PABPC1: variants seen among roughly 807,000 people sequenced by gnomAD.
PABPC1 encodes polyadenylate-binding protein 1.
Under a neutral mutation model 74.0 loss-of-function variants are expected in PABPC1, and 4 were observed. That is an observed-to-expected ratio of 0.05 (90% CI 0.03 to 0.12). The LOEUF (loss-of-function observed/expected upper bound fraction) is 0.12, where lower values mean the gene tolerates loss of function less well. Among genes scored for constraint, PABPC1 ranks in the 10% least tolerant of loss-of-function variants. PABPC1 has a pLI of 1.00. For missense variants in PABPC1, 271 were observed against 821.1 expected (o/e 0.33, Z 8.19); for synonymous variants, 227 against 264.1 (o/e 0.86, Z 1.36).
Position 100,704,294 on chromosome 8 carries a change from C to G in PABPC1, c.*1+3G>C, listed in dbSNP as rs1277935093. 1 of 1,608,548 alleles carries G rather than the reference C, an allele frequency of 6.2e-7. No individual in the cohort carries two copies. The highest frequency in any genetic ancestry group is 1.7e-5 in the Admixed American group (1 of 59,964). On this transcript the variant is annotated splice_donor_region_variant and intron_variant, in intron 14 of 14. Transcript: ENST00000318607. ...AAACAACAAACCAGAGGGAAAAGCT[C>G]ACTTTAAACAGTTGGAACACCGGTG...
chr8:100,718,019 C>T, intron 2 of PABPC1, 68 bp downstream of exon 2: 2 of 1,435,460 alleles, frequency 1.4e-6, no homozygotes, highest in Non-Finnish European at 9.8e-7. Context: ...TGCACAGTTC[C>T]TATTTCAAGC....
At chr8:100,711,762 C>T (rs186165601) in intron 7 of PABPC1, among the ~76,000 whole-genome samples, 5 of 152,064 alleles carry the variant, frequency 3.3e-5, no homozygotes, top group African/African-American at 1.2e-4. Context: ...GCCACAGCGT[C>T]ATTCCAGTTC....
intron 4 of PABPC1, among the ~76,000 whole-genome samples, chr8:100,714,441 G>A (rs1272450524): frequency 5.9e-5 from 9 of 152,092 alleles, no homozygotes; most frequent in Admixed American, 5.9e-4. Context: ...TAAGATATTA[G>A]ATTTCCTGGC....
chr8:100,711,601 T>G (rs1810529393), intron 7 of PABPC1, among the ~76,000 whole-genome samples: 1 of 152,228 alleles, frequency 6.6e-6, no homozygotes, highest in South Asian at 2.1e-4. Flanking sequence ...TCTATCGTAC[T>G]CCAATACTCT....
At chr8:100,715,158 C>CACACACACACACACAT (rs1234644734) in intron 4 of PABPC1, among the ~76,000 whole-genome samples, 15 of 76,218 alleles carry the variant, frequency 2.0e-4, no homozygotes, top group African/African-American at 4.5e-4. Flanking sequence ...CACACACACA[C>CACACACACACACACAT]ATATATATCT....
intron 9 of PABPC1, among the ~76,000 whole-genome samples, chr8:100,708,036 T>C (rs1022465413): frequency 7.2e-5 from 11 of 152,228 alleles, no homozygotes; most frequent in Non-Finnish European, 1.5e-4. Flanking sequence ...GTGAGGATTA[T>C]TATGATATTG....
At position 100,704,923 on chromosome 8, in the gene PABPC1, C is replaced by G. The variant is rs897257890; in HGVS notation, c.1818+3G>C. 1 of 1,605,342 alleles carries G rather than the reference C, an allele frequency of 6.2e-7. No homozygotes were observed. The highest frequency in any genetic ancestry group is 1.3e-5 in the African/African-American group (1 of 74,544). ...GGCAACTTGGTAAATAAATTTAAAT[C>G]ACCTTAGAACGGAGTGACTCTGGAG... On this transcript the variant is annotated splice_donor_region_variant and intron_variant, in intron 13 of 14. Transcript: ENST00000318607.
chr8:100,704,424 G>A, intron 13 of PABPC1, 34 bp from the exon 14 acceptor site: 1 of 1,508,396 alleles, frequency 6.6e-7, no homozygotes, highest in Non-Finnish European at 9.2e-7. Flanking sequence ...ACTGGTTCAG[G>A]AAAGGAATGG....
chr8:100,713,220 C>A, intron 4 of PABPC1, 39 bp from the exon 5 acceptor site: 1 of 1,222,842 alleles, frequency 8.2e-7, no homozygotes, highest in East Asian at 2.4e-5. Flanking sequence ...ATATTCCATA[C>A]AACATTCACG....
chr8:100,720,137 G>C (rs532614293), intron 1 of PABPC1, among the ~76,000 whole-genome samples: 1 of 152,190 alleles, frequency 6.6e-6, no homozygotes, highest in East Asian at 1.9e-4. Context: ...TATTTGACAT[G>C]TATTCAAGTG....
intron 3 of PABPC1, among the ~76,000 whole-genome samples, chr8:100,716,976 T>C (rs971062844): frequency 4.6e-5 from 7 of 152,238 alleles, no homozygotes; most frequent in Non-Finnish European, 7.3e-5. Flanking sequence ...TTGCTTTTTT[T>C]TCCTCCTAAA....
At chr8:100,714,555 AC>A (rs1234550462) in intron 4 of PABPC1, among the ~76,000 whole-genome samples, 1 of 151,744 alleles carries the variant, frequency 6.6e-6, no homozygotes, top group African/African-American at 2.4e-5. Flanking sequence ...TCACGGTGAA[AC>A]CCCGTCTCTA....
intron 4 of PABPC1, 39 bp from the exon 5 acceptor site, chr8:100,713,220 C>G (rs1278555889): frequency 8.2e-7 from 1 of 1,222,842 alleles, no homozygotes; most frequent in Non-Finnish European, 1.2e-6. Context: ...ATATTCCATA[C>G]AACATTCACG....
intron 9 of PABPC1, chr8:100,707,265 G>A: frequency 3.4e-6 from 1 of 294,366 alleles, no homozygotes. Flanking sequence ...AGAGAGTGCA[G>A]AAATAAAGAC....
rs539245508 is a variant in PABPC1, at chr8:100,706,654, T to C, written c.1599A>G (p.Gln533=). The C allele has an allele frequency of 1.3e-5, 21 of 1,612,940 alleles. No individual in the cohort carries two copies. Among genetic ancestry groups the C allele is most frequent in the East Asian group, 2.2e-5 (1 of 44,868 alleles). ...HLNAQPQVTM[Q]QPAVHVQGQE... The stretch of plus-strand genomic sequence containing the variant: ...TAAGAAATCATTAAATCCATACCTG[T>C]TGCATTGTAACTTGTGGCTGTGCAT... The change falls in exon 11 of 15, where the codon CAA becomes CAG. Residue 533 remains glutamine (Q), a synonymous_variant. Coordinates refer to ENST00000318607, the MANE Select transcript of PABPC1 (RefSeq NM_002568.4).
chr8:100,712,304 T>C lies in PABPC1; in HGVS notation c.972+58A>G, dbSNP rs949010837. On this transcript the variant is annotated intron_variant, in intron 7 of 14. Transcript: ENST00000318607. ...TAATAATACAAAATTTATATACATA[T>C]ATCTACATGTATGAATTTTTACTAG... 9.3e-6 allele frequency: 9 copies of C among 963,840 alleles called. 1 individual carries two copies. In the South Asian group the frequency reaches 1.1e-4, roughly 12 times the overall value. 59.7% of individuals were successfully genotyped at this position (963,840 alleles called of 1,614,324 possible). A position where few individuals can be genotyped will look rare whatever the true frequency, so the allele number is the denominator to read the frequency against.
In PABPC1 at chr8:100,704,193, T is replaced by C. The variant is rs1313462180; in HGVS notation, c.*1+104A>G. ...AAATTAGCAATACATTTAAATGAAC[T>C]GTAAAATGATCTTTTGCTATGTACA... On this transcript the variant is annotated intron_variant, in intron 14 of 14. Coordinates refer to ENST00000318607, the MANE Select transcript of PABPC1 (RefSeq NM_002568.4). 5.8e-6 allele frequency: 5 copies of C among 860,206 alleles called. No individual in the cohort carries two copies. The African/African-American group carries it at 6.7e-5, about 12-fold the overall frequency. 53.3% of individuals were successfully genotyped at this position (860,206 alleles called of 1,614,324 possible).
Position 100,704,390 on chromosome 8 carries a change from C to A in PABPC1, c.1819G>T (p.Val607Phe). 1 of 1,612,222 alleles carries A rather than the reference C, an allele frequency of 6.2e-7. No homozygotes were observed. The highest frequency in any genetic ancestry group is 8.5e-7 in the Non-Finnish European group (1 of 1,178,842). ...TGTAGTACAGCTACAGCTTCATCAA[C>A]CTAAAAAAGGGGAAAACAGATAAAC... ...LESPESLRSK[V>F]DEAVAVLQAH... Residue 607 changes from valine (V) to phenylalanine (F), a missense_variant and splice_region_variant, in exon 14 of 15, where the codon GTT (valine) becomes TTT (phenylalanine). This residue lies in a region of PABPC1 where 23 missense variants were observed against 48.1 expected (regional missense o/e 0.48). Coordinates refer to ENST00000318607, the MANE Select transcript of PABPC1 (RefSeq NM_002568.4).
rs557155037 is a variant in PABPC1, at chr8:100,708,324, C to T, written c.1336+809G>A. On this transcript the variant is annotated intron_variant, in intron 9 of 14. Transcript: ENST00000318607. ...TTAAAAAATTAGCTGGGCGTGGTGG[C>T]GTGTGCCTGTAGTCCCAGCTACTTG... Among the ~76,000 whole-genome samples, 373 of 152,206 alleles carry T rather than the reference C, an allele frequency of 2.5e-3. 1 individual carries two copies. Among genetic ancestry groups the T allele is most frequent in the Middle Eastern group, 6.8e-3 (2 of 294 alleles).
Sources: gnomAD v4.1 joint callset for allele counts (sites outside exome capture counted in the v4.1 genomes callset) on GRCh38, gnomAD v4.1.1 for gene constraint, gnomAD v4.1.1 regional missense constraint, MANE v1.5 for transcripts, NCBI Gene and HGNC (gene_info 2026-07-23, HGNC 2026-07-21) for gene names.